The following CCDC141 variants were observed in gnomAD, a reference collection of about 807,000 sequenced individuals.
CCDC141 encodes coiled-coil domain-containing protein 141.
A neutral mutation model predicts 181.0 loss-of-function variants in CCDC141; 168 were observed. The observed-to-expected ratio is 0.93, with a 90% CI of 0.82 to 1.05. The LOEUF (loss-of-function observed/expected upper bound fraction) is 1.05, where lower values mean the gene tolerates loss of function less well. Among genes scored for constraint, CCDC141 ranks in the 50% least tolerant of loss-of-function variants. The probability of loss-of-function intolerance (pLI) is 0.00; values close to 1 mark genes in which losing one functional copy is unlikely to be tolerated. For synonymous variants in CCDC141, 666 were observed against 642.3 expected, an observed-to-expected ratio of 1.04 and a Z score of -0.56; for missense variants, 1,902 against 1,788.5, an observed-to-expected ratio of 1.06 and a Z score of -1.14.
intron 8 of CCDC141, among the ~76,000 whole-genome samples, chr2:178,905,101 G>T (rs1285473902): frequency 1.3e-5 from 2 of 152,134 alleles, no homozygotes; most frequent in Admixed American, 6.6e-5. Flanking sequence ...TAAACAGAAA[G>T]CTTTAGCATA....
At chr2:179,023,703 T>A (rs185115417) in intron 2 of CCDC141, among the ~76,000 whole-genome samples, 187 of 152,268 alleles carry the variant, frequency 1.2e-3, no homozygotes, top group Non-Finnish European at 2.1e-3. Flanking sequence ...CTTACACTCT[T>A]ATGAGAAATA....
chr2:178,845,313 C>T (rs930306767), intron 22 of CCDC141, among the ~76,000 whole-genome samples: 1 of 152,086 alleles, frequency 6.6e-6, no homozygotes, highest in Non-Finnish European at 1.5e-5. Context: ...ATGGAAAAGG[C>T]AGCTAGAGAT....
chr2:178,826,039 A>T (rs1561609909), downstream of CCDC141, among the ~76,000 whole-genome samples: 1 of 152,322 alleles, frequency 6.6e-6, no homozygotes, highest in South Asian at 2.1e-4. Context: ...GATGTCCTTA[A>T]GTATGATGTT....
At chr2:178,903,200 G>T (rs959202261) in intron 8 of CCDC141, among the ~76,000 whole-genome samples, 2 of 147,928 alleles carry the variant, frequency 1.4e-5, no homozygotes, top group African/African-American at 4.9e-5. Flanking sequence ...TCAGTGTGGC[G>T]ATTCCTCAGG....
At chr2:179,014,916 A>G (rs779321115) in intron 2 of CCDC141, among the ~76,000 whole-genome samples, 1 of 151,446 alleles carries the variant, frequency 6.6e-6, no homozygotes, top group Non-Finnish European at 1.5e-5. Flanking sequence ...CAATTCCACT[A>G]CTGGGTATCT....
chr2:178,932,591 A>AT (rs1481356387), intron 6 of CCDC141, among the ~76,000 whole-genome samples: 2 of 152,172 alleles, frequency 1.3e-5, no homozygotes, highest in African/African-American at 2.4e-5. Flanking sequence ...AACACATACA[A>AT]TTTTTTGTGT....
chr2:178,975,025 A>C (rs1396356445), intron 4 of CCDC141, 32 bp downstream of exon 4: 2 of 1,129,980 alleles, frequency 1.8e-6, no homozygotes, highest in Non-Finnish European at 2.5e-6. Context: ...AAACCTCTAA[A>C]CACTTCTGTG....
At chr2:178,970,708 G>A (rs1690848070) in intron 4 of CCDC141, among the ~76,000 whole-genome samples, 1 of 152,126 alleles carries the variant, frequency 6.6e-6, no homozygotes, top group African/African-American at 2.4e-5. Context: ...ACACAGGCAT[G>A]GGAAAAGACT....
chr2:178,856,160 G>T lies in CCDC141; in HGVS notation c.2865+97C>A, dbSNP rs1685376420. 4.4e-6 allele frequency: 5 copies of T among 1,132,190 alleles called. No individual in the cohort carries two copies. The South Asian group carries it at 1.2e-4, about 28-fold the overall frequency. 70.1% of individuals were successfully genotyped at this position (1,132,190 alleles called of 1,614,324 possible). A position where few individuals can be genotyped will look rare whatever the true frequency, so the allele number is the denominator to read the frequency against. On this transcript the variant is annotated intron_variant, in intron 18 of 23. Coordinates refer to ENST00000443758, the MANE Select transcript of CCDC141 (RefSeq NM_173648.4). The stretch of plus-strand genomic sequence containing the variant: ...AGTCCCAATGCTACAAAAAGCCAGA[G>T]TTAGGTATCTAGATTTGAAATTCAA...
intron 2 of CCDC141, among the ~76,000 whole-genome samples, chr2:179,005,898 C>T (rs2042111572): frequency 6.6e-6 from 1 of 152,324 alleles, no homozygotes; most frequent in East Asian, 1.9e-4. Flanking sequence ...GCATGAGCCA[C>T]CATGCCCAGT....
intron 2 of CCDC141, among the ~76,000 whole-genome samples, chr2:178,984,494 T>C (rs1575305084): frequency 1.3e-5 from 2 of 151,868 alleles, no homozygotes; most frequent in Non-Finnish European, 2.9e-5. Flanking sequence ...ATGGACTAAC[T>C]GCTCCAATTA....
intron 4 of CCDC141, among the ~76,000 whole-genome samples, chr2:178,966,582 A>G (rs1690643785): frequency 6.6e-6 from 1 of 152,174 alleles, no homozygotes; most frequent in Admixed American, 6.5e-5. Flanking sequence ...TCCACTCAGA[A>G]ACCTCATTTG....
At chr2:179,038,694 T>C (rs1350176097) in intron 2 of CCDC141, among the ~76,000 whole-genome samples, 2 of 152,128 alleles carry the variant, frequency 1.3e-5, no homozygotes, top group African/African-American at 4.8e-5. Context: ...AAAATAGAAA[T>C]AGGGCAAAAA....
intron 23 of CCDC141, chr2:178,836,192 T>TAGTAGG (rs1684470051): frequency 6.6e-6 from 1 of 152,320 alleles, no homozygotes; most frequent in Admixed American, 6.6e-5. Context: ...TTGTTACCAA[T>TAGTAGG]AGTAGGTGAT....
intron 11 of CCDC141, among the ~76,000 whole-genome samples, chr2:178,881,020 A>T (rs1026264683): frequency 1.3e-5 from 2 of 152,240 alleles, no homozygotes; most frequent in Non-Finnish European, 2.9e-5. Context: ...TTATTGGTGA[A>T]GAAACCATAG....
intron 2 of CCDC141, among the ~76,000 whole-genome samples, chr2:179,025,123 C>G (rs575085763): frequency 1.3e-5 from 2 of 150,398 alleles, no homozygotes; most frequent in South Asian, 4.2e-4. Flanking sequence ...TTTTTAACTT[C>G]TACTTTAAGA....
At chr2:178,946,551 G>A (rs1474069463) in intron 5 of CCDC141, among the ~76,000 whole-genome samples, 1 of 152,104 alleles carries the variant, frequency 6.6e-6, no homozygotes, top group East Asian at 1.9e-4. Context: ...CTTTAATAGG[G>A]ACAGTTAATA....
chr2:179,044,305 A>G (rs899820178), intron 2 of CCDC141, among the ~76,000 whole-genome samples: 21 of 152,346 alleles, frequency 1.4e-4, no homozygotes, highest in African/African-American at 4.8e-4. Context: ...AGAAAAAACT[A>G]TTTTAAAATT....
intron 2 of CCDC141, among the ~76,000 whole-genome samples, chr2:178,980,259 C>A (rs1214424572): frequency 4.6e-5 from 7 of 152,052 alleles, no homozygotes; most frequent in Non-Finnish European, 1.0e-4. Context: ...ACCATCCTGG[C>A]TAACACAGTG....
Sources: allele counts gnomAD v4.1 joint callset (sites outside exome capture counted in the v4.1 genomes callset), GRCh38; gene constraint gnomAD v4.1.1; transcripts MANE v1.5; gene names NCBI Gene and HGNC (gene_info 2026-07-23, HGNC 2026-07-21).